The following HIGD2B variants were observed in gnomAD, a reference collection of about 807,000 sequenced individuals.
HIGD2B encodes HIG1 domain family member 2B.
For missense variants in HIGD2B, 106 were observed against 67.0 expected (o/e 1.58, Z -2.03); for synonymous variants, 45 against 28.1 (o/e 1.60, Z -1.90).
chr15:72,676,183 G>A lies in HIGD2B; in HGVS notation c.192C>T (p.Leu64=), dbSNP rs1473398447. Reference sequence around the variant, plus strand: ...GGCTGTTGCCCTGGTGGAAGCAGTAGAGGCCGTTGGTGAGGACGGCCGCCG... The same window carrying A: ...GGCTGTTGCCCTGGTGGAAGCAGTAAAGGCCGTTGGTGAGGACGGCCGCCG... ...LCTAAVLTNG[L]YCFHQGNSQC... is the part of the protein sequence containing the mutation. Residue 64 remains leucine (L), a synonymous_variant, in exon 3 of 3, where the codon CTC becomes CTT. Transcript: ENST00000311755. 1 of 763,226 alleles carries A rather than the reference G, an allele frequency of 1.3e-6. No individual in the cohort carries two copies. The highest frequency in any genetic ancestry group is 2.4e-6 in the Non-Finnish European group (1 of 416,172). The allele number at this position is 763,226 out of a possible 1,614,324, so 47.3% of individuals were successfully genotyped here. A position where few individuals can be genotyped will look rare whatever the true frequency, so the allele number is the denominator to read the frequency against.
At chr15:72,682,989 C>T (rs2064765160) in intron 1 of HIGD2B, 1 of 171,380 alleles carries the variant, frequency 5.8e-6, no homozygotes, top group African/African-American at 2.4e-5. Context: ...GCAGCAGGCA[C>T]CCCCAGACAG....
chr15:72,681,535 T>C lies in HIGD2B; in HGVS notation c.-192-1342A>G, dbSNP rs1373347830. 1.3e-5 allele frequency among the ~76,000 whole-genome samples: 2 copies of C among 151,622 alleles called. 1 individual carries two copies. The highest frequency in any genetic ancestry group is 1.3e-4 in the Admixed American group (2 of 15,190). ...AGCTAAATAAATGTGAACTTTTTTC[T>C]CCAAGCAAAACATTCTCCCCAGTGA... On this transcript the variant is annotated intron_variant, in intron 1 of 2. Transcript: ENST00000311755.
intron 2 of HIGD2B, among the ~76,000 whole-genome samples, chr15:72,679,677 C>T (rs796914174): frequency 1.6e-4 from 25 of 152,030 alleles, no homozygotes; most frequent in African/African-American, 5.5e-4. Flanking sequence ...AACAGACCAG[C>T]GCTCACACTG....
At chr15:72,680,251 ATAAC>A (rs1346200813) in intron 1 of HIGD2B, 58 bp from the exon 2 acceptor site, 2 of 153,692 alleles carry the variant, frequency 1.3e-5, no homozygotes, top group African/African-American at 4.8e-5. Context: ...ACCTTTAAAA[ATAAC>A]AAACTTAAGT....
intron 2 of HIGD2B, among the ~76,000 whole-genome samples, chr15:72,676,725 A>C (rs1233830359): frequency 6.6e-6 from 1 of 152,138 alleles, no homozygotes; most frequent in Non-Finnish European, 1.5e-5. Context: ...TACATGTTTT[A>C]TATAATGTTA....
intron 1 of HIGD2B, among the ~76,000 whole-genome samples, chr15:72,684,640 A>G (rs2064789969): frequency 6.6e-6 from 1 of 152,164 alleles, no homozygotes; most frequent in South Asian, 2.1e-4. Flanking sequence ...GGAGCCGGCC[A>G]CCACGCCCGG....
chr15:72,685,389 T>C (rs560612785), intron 1 of HIGD2B, among the ~76,000 whole-genome samples: 28 of 152,324 alleles, frequency 1.8e-4, no homozygotes, highest in African/African-American at 6.7e-4. Context: ...CCCGGCACTT[T>C]AATAAATGAG....
chr15:72,686,126 TC>T lies in HIGD2B; in HGVS notation c.-502del. 4 of 1,253,320 alleles carry T rather than the reference TC, an allele frequency of 3.2e-6. No individual in the cohort carries two copies. The highest frequency in any genetic ancestry group is 1.3e-5 in the South Asian group (1 of 78,310). The allele number at this position is 1,253,320 out of a possible 1,614,324, so 77.6% of individuals were successfully genotyped here. A position where few individuals can be genotyped will look rare whatever the true frequency, so the allele number is the denominator to read the frequency against. ...TAGGTCACTCGGCGATTTACTTCCTTCCCCCGCTTCCTCACAGTCCTCCACA... is the reference window on the plus strand; with the variant it reads ...TAGGTCACTCGGCGATTTACTTCCTTCCCCGCTTCCTCACAGTCCTCCACA... On this transcript the variant is annotated 5_prime_UTR_variant, in exon 1 of 3. Coordinates refer to ENST00000311755, the MANE Select transcript of HIGD2B (RefSeq NM_001350932.3).
chr15:72,684,277 C>T (rs773506782), intron 1 of HIGD2B, among the ~76,000 whole-genome samples: 5 of 152,246 alleles, frequency 3.3e-5, no homozygotes, highest in East Asian at 1.9e-4. Flanking sequence ...ATGGTTACTT[C>T]GGGTATGCCT....
Position 72,680,061 on chromosome 15 carries a change from C to T in HIGD2B, c.-60G>A. 2.2e-6 allele frequency: 1 copy of T among 459,544 alleles called. No individual in the cohort carries two copies. The allele number at this position is 459,544 out of a possible 1,614,324, so 28.5% of individuals were successfully genotyped here. ...ACAGAGTTCTCCCGACGAATGTCTT[C>T]ATATTCCTCATAGATTCCCTGCTTT... On this transcript the variant is annotated 5_prime_UTR_variant, in exon 2 of 3. An upstream start codon of the reference 5' UTR is lost. Coordinates refer to ENST00000311755, the MANE Select transcript of HIGD2B (RefSeq NM_001350932.3).
In HIGD2B at chr15:72,676,279, T is replaced by G. The variant is rs1444520393; in HGVS notation, c.96A>C (p.Pro32=). The stretch of plus-strand genomic sequence containing the variant: ...GAAGGAACTTTTCCTTGAAACCCTC[T>G]GGATTGCTGTAAACAGTGGGGCTAA... ...EGLSPTVYSN[P]EGFKEKFLRK... Residue 32 remains proline, a synonymous_variant, in exon 3 of 3, where the codon CCA becomes CCC. Transcript: ENST00000311755. The G allele has an allele frequency of 1.3e-6, 1 of 766,116 alleles. No individual in the cohort carries two copies. The highest frequency in any genetic ancestry group is 2.4e-6 in the Non-Finnish European group (1 of 417,326). 47.5% of individuals were successfully genotyped at this position (766,116 alleles called of 1,614,324 possible). A position where few individuals can be genotyped will look rare whatever the true frequency, so the allele number is the denominator to read the frequency against.
At chr15:72,679,279 C>T (rs1207119492) in intron 2 of HIGD2B, among the ~76,000 whole-genome samples, 3 of 150,602 alleles carry the variant, frequency 2.0e-5, no homozygotes, top group African/African-American at 4.9e-5. Context: ...GCAGGAGAAT[C>T]GCTTGAACCA....
Position 72,686,089 on chromosome 15 carries a change from C to A in HIGD2B, c.-464G>T. The A allele has an allele frequency of 4.5e-6, 4 of 891,546 alleles. No individual in the cohort carries two copies. Among genetic ancestry groups the A allele is most frequent in the Non-Finnish European group, 7.1e-6 (4 of 561,312 alleles). The allele number at this position is 891,546 out of a possible 1,614,324, so 55.2% of individuals were successfully genotyped here. A position where few individuals can be genotyped will look rare whatever the true frequency, so the allele number is the denominator to read the frequency against. Reference sequence around the variant, plus strand: ...TTCTGTGGAGCAGACCCTAATCCTCCCCCTGATTCCTTAGGTCACTCGGCG... The same window carrying A: ...TTCTGTGGAGCAGACCCTAATCCTCACCCTGATTCCTTAGGTCACTCGGCG... On this transcript the variant is annotated 5_prime_UTR_variant, in exon 1 of 3. Transcript: ENST00000311755.
chr15:72,677,155 G>C (rs539388185), intron 2 of HIGD2B, among the ~76,000 whole-genome samples: 1 of 152,254 alleles, frequency 6.6e-6, no homozygotes, highest in East Asian at 1.9e-4. Context: ...AGAGGCCAGG[G>C]GTGGTGGCTC....
At chr15:72,685,717 C>G in intron 1 of HIGD2B, 101 bp downstream of exon 1, 2 of 188,394 alleles carry the variant, frequency 1.1e-5, no homozygotes, top group South Asian at 9.8e-5. Context: ...TGCAGCCCAC[C>G]AGGAGCATGT....
At chr15:72,679,856 C>T (rs1316056207) in intron 2 of HIGD2B, among the ~76,000 whole-genome samples, 159 bp downstream of exon 2, 1 of 152,102 alleles carries the variant, frequency 6.6e-6, no homozygotes, top group Admixed American at 6.6e-5. Context: ...CAGAAAGTAC[C>T]TCTTTCTGCA....
rs1406331957 is a variant in HIGD2B at position 72,676,385 on chromosome 15, C to A, written c.-11G>T. On this transcript the variant is annotated splice_region_variant and 5_prime_UTR_variant, in exon 3 of 3. Coordinates refer to ENST00000311755, the MANE Select transcript of HIGD2B (RefSeq NM_001350932.3). ...GCCGAGAGTCGCCATGCCTAGGCCA[C>A]AGCTGCAGGAGAAAATCCTTTGTTT... 1 of 718,844 alleles carries A rather than the reference C, an allele frequency of 1.4e-6. No individual in the cohort carries two copies. The highest frequency in any genetic ancestry group is 2.5e-6 in the Non-Finnish European group (1 of 398,406). 44.5% of individuals were successfully genotyped at this position (718,844 alleles called of 1,614,324 possible). A position where few individuals can be genotyped will look rare whatever the true frequency, so the allele number is the denominator to read the frequency against.
At chr15:72,678,902 T>C (rs1029216306) in intron 2 of HIGD2B, among the ~76,000 whole-genome samples, 2 of 150,028 alleles carry the variant, frequency 1.3e-5, no homozygotes, top group Admixed American at 6.6e-5. Context: ...GAGTCTGAGG[T>C]AGGAGGATCG....
intron 2 of HIGD2B, among the ~76,000 whole-genome samples, chr15:72,678,309 T>C (rs180867959): frequency 6.6e-6 from 1 of 152,156 alleles, no homozygotes; most frequent in Non-Finnish European, 1.5e-5. Flanking sequence ...CTTTTCTTTT[T>C]TTTTTAGACA....
Sources: gnomAD v4.1 joint callset for allele counts (sites outside exome capture counted in the v4.1 genomes callset) on GRCh38, gnomAD v4.1.1 for gene constraint, MANE v1.5 for transcripts, NCBI Gene and HGNC (gene_info 2026-07-23, HGNC 2026-07-21) for gene names.